Variants in SGSM1 observed in about 807,000 individuals in gnomAD.
SGSM1 encodes the protein small G protein signaling modulator 1, also known as RUN and TBC1 domain containing 2.
SGSM1 carries 73 observed loss-of-function variants against 133.8 expected under a neutral mutation model. That is an observed-to-expected ratio of 0.55 (90% confidence interval 0.45 to 0.66). SGSM1 has a LOEUF of 0.66. SGSM1 is among the 30% of genes least tolerant of loss of function. SGSM1 has a pLI of 0.00. For missense variants in SGSM1, 1,213 were observed against 1,448.1 expected (o/e 0.84, Z 2.64); for synonymous variants, 563 against 573.0 (o/e 0.98, Z 0.25).
intron 9 of SGSM1, 29 bp from the exon 10 acceptor site, chr22:24,867,064 T>C (rs775228610): frequency 1.7e-5 from 27 of 1,610,220 alleles, no homozygotes; most frequent in Non-Finnish European, 1.7e-6. Flanking sequence ...GCAGAAGTCC[T>C]GCAAGCCTGA....
rs62232195 is a variant in SGSM1 at position 24,809,753 on chromosome 22, G to A, written c.63+3269G>A. Reference sequence around the variant, plus strand: ...GTCCTCCTGGGGCTGACCTTGCAGCGGAGGAAACACACTCCCAACAGTTAC... The same window carrying A: ...GTCCTCCTGGGGCTGACCTTGCAGCAGAGGAAACACACTCCCAACAGTTAC... On this transcript the variant is annotated intron_variant, in intron 2 of 24. Transcript: ENST00000400358. 1.5e-3 allele frequency among the ~76,000 whole-genome samples: 229 copies of A among 152,226 alleles called. 2 individuals are homozygous for A. Among genetic ancestry groups the A allele is most frequent in the Non-Finnish European group, 1.4e-3 (98 of 68,020 alleles).
intron 2 of SGSM1, among the ~76,000 whole-genome samples, chr22:24,838,260 T>A (rs1235796995): frequency 3.3e-5 from 5 of 152,226 alleles, no homozygotes; most frequent in Non-Finnish European, 7.3e-5. Context: ...AGCCGATCAC[T>A]GAGATGACAA....
Position 24,874,650 on chromosome 22 carries a change from C to G in SGSM1, c.1292-1927C>G, listed in dbSNP as rs2147883663. 3 of 1,486,712 alleles carry G rather than the reference C, an allele frequency of 2.0e-6. No homozygotes were observed. The East Asian group carries it at 7.4e-5, about 37-fold the overall frequency. 92.1% of individuals were successfully genotyped at this position (1,486,712 alleles called of 1,614,324 possible). A position where few individuals can be genotyped will look rare whatever the true frequency, so the allele number is the denominator to read the frequency against. ...CCTCTGCCATGTTGTCATTTGAGTT[C>G]TGGTCCCAAGGGAGATGGAGGCAGG... On this transcript the variant is annotated intron_variant, in intron 12 of 24. Transcript: ENST00000400358.
chr22:24,812,662 A>G (rs546433724), intron 2 of SGSM1, among the ~76,000 whole-genome samples: 1 of 152,274 alleles, frequency 6.6e-6, no homozygotes, highest in African/African-American at 2.4e-5. Context: ...TAGAAGATTT[A>G]TGAGCAAGGG....
chr22:24,824,800 T>C (rs2147800217), intron 2 of SGSM1, among the ~76,000 whole-genome samples: 1 of 152,314 alleles, frequency 6.6e-6, no homozygotes, highest in South Asian at 2.1e-4. Context: ...TCAGGTCTGG[T>C]TTCTTTGTTA....
At chr22:24,886,017 T>G (rs1932576754) in intron 15 of SGSM1, among the ~76,000 whole-genome samples, 1 of 152,120 alleles carries the variant, frequency 6.6e-6, no homozygotes, top group Admixed American at 6.6e-5. Flanking sequence ...ATGATACAGT[T>G]AGGGTGTTGC....
intron 21 of SGSM1, 42 bp from the exon 22 acceptor site, chr22:24,912,601 T>C: frequency 3.0e-6 from 4 of 1,334,616 alleles, no homozygotes; most frequent in Non-Finnish European, 4.3e-6. Context: ...ACCATATCAC[T>C]TGGGCAGCGG....
chr22:24,883,827 G>A (rs775540563), intron 14 of SGSM1, among the ~76,000 whole-genome samples: 8 of 152,136 alleles, frequency 5.3e-5, no homozygotes, highest in Admixed American at 1.3e-4. Context: ...GTGCTGGCGC[G>A]TGCCTCTGGT....
At chr22:24,849,247 T>TAAAA (rs377102485) in intron 4 of SGSM1, among the ~76,000 whole-genome samples, 1 of 142,554 alleles carries the variant, frequency 7.0e-6, no homozygotes, top group Non-Finnish European at 1.5e-5. Context: ...AGTATTTTAT[T>TAAAA]AAAAAAAAAA....
chr22:24,836,613 C>T (rs1440947884), intron 2 of SGSM1, among the ~76,000 whole-genome samples: 2 of 152,206 alleles, frequency 1.3e-5, no homozygotes, highest in East Asian at 1.9e-4. Flanking sequence ...CCAACACTTA[C>T]TTTCTGTTTT....
At chr22:24,869,317 T>G (rs1931644778) in intron 12 of SGSM1, among the ~76,000 whole-genome samples, 1 of 152,104 alleles carries the variant, frequency 6.6e-6, no homozygotes, top group Non-Finnish European at 1.5e-5. Context: ...CCCAGGAGTT[T>G]AAGACCAGCC....
chr22:24,864,914 A>G (rs932707885), intron 9 of SGSM1, among the ~76,000 whole-genome samples: 2 of 152,236 alleles, frequency 1.3e-5, no homozygotes, highest in African/African-American at 4.8e-5. Context: ...GAGACAATCA[A>G]CTACACTTCC....
intron 2 of SGSM1, among the ~76,000 whole-genome samples, chr22:24,839,060 C>T (rs1424274248): frequency 3.3e-5 from 5 of 151,792 alleles, no homozygotes; most frequent in Admixed American, 1.3e-4. Flanking sequence ...ATTTATTTGT[C>T]TTGTTTTTAT....
At chr22:24,868,094 T>C (rs1395039670) in intron 10 of SGSM1, among the ~76,000 whole-genome samples, 1 of 152,162 alleles carries the variant, frequency 6.6e-6, no homozygotes, top group Admixed American at 6.5e-5. Flanking sequence ...CGTAGGGTTC[T>C]AGGGGGCGTC....
intron 21 of SGSM1, among the ~76,000 whole-genome samples, chr22:24,908,155 G>A (rs1367349648): frequency 1.3e-5 from 2 of 152,002 alleles, no homozygotes; most frequent in Non-Finnish European, 2.9e-5. Context: ...AAGAACTACT[G>A]GACAGACATA....
intron 20 of SGSM1, among the ~76,000 whole-genome samples, 154 bp from the exon 21 acceptor site, chr22:24,904,951 T>C (rs1314294772): frequency 6.6e-6 from 1 of 151,916 alleles, no homozygotes. Flanking sequence ...ACATAGGATG[T>C]TTGAAGAGAG....
chr22:24,841,144 C>A (rs1321164437), intron 2 of SGSM1, among the ~76,000 whole-genome samples: 1 of 152,220 alleles, frequency 6.6e-6, no homozygotes, highest in African/African-American at 2.4e-5. Flanking sequence ...GCCACCGTGC[C>A]CTGCTGTGTT....
chr22:24,824,503 C>T (rs1301325683), intron 2 of SGSM1, among the ~76,000 whole-genome samples: 1 of 152,144 alleles, frequency 6.6e-6, no homozygotes, highest in African/African-American at 2.4e-5. Flanking sequence ...TCACCAGCCC[C>T]ATTCCAACCC....
intron 2 of SGSM1, among the ~76,000 whole-genome samples, chr22:24,822,980 C>T (rs1245100262): frequency 1.3e-5 from 2 of 152,198 alleles, no homozygotes; most frequent in Non-Finnish European, 2.9e-5. Context: ...TTGTGAGAAA[C>T]ACCCATAGGT....
Sources: allele counts gnomAD v4.1 joint callset (sites outside exome capture counted in the v4.1 genomes callset), GRCh38; gene constraint gnomAD v4.1.1; transcripts MANE v1.5; gene names NCBI Gene and HGNC (gene_info 2026-07-23, HGNC 2026-07-21).